The following ENGASE variants were observed in gnomAD, a reference collection of about 807,000 sequenced individuals.
ENGASE encodes the protein endo-beta-N-acetylglucosaminidase.
In ENGASE, 69 loss-of-function variants were observed where a neutral mutation model predicts 78.5. The observed-to-expected ratio is 0.88, with a 90% confidence interval of 0.72 to 1.07. ENGASE has a LOEUF of 1.07. ENGASE is among the 50% of genes least tolerant of loss of function. The pLI is 0.00. For missense variants in ENGASE, 943 were observed against 988.4 expected, an observed-to-expected ratio of 0.95 and a Z score of 0.62; for synonymous variants, 408 against 408.9, an observed-to-expected ratio of 1.00 and a Z score of 0.03.
In ENGASE at chr17:79,079,614, A is replaced by C. The variant is rs1330252412; in HGVS notation, c.542A>C (p.His181Pro). The C allele has an allele frequency of 6.2e-7, 1 of 1,613,768 alleles. No homozygotes were observed. The highest frequency in any genetic ancestry group is 1.1e-5 in the South Asian group (1 of 91,042). The change falls in exon 4 of 14, where the codon CAC becomes CCC. Residue 181 changes from histidine (H) to proline (P), a missense_variant. Physicochemically the swap from His to Pro is moderately conservative, Grantham distance 77 (BLOSUM62 -2). Transcript: ENST00000579016. ...IPPVGWTNTAHRHGVCVLGTF... is the reference protein window; with the variant it reads ...IPPVGWTNTAPRHGVCVLGTF... ...CCAGTGGGCTGGACCAACACTGCCC[A>C]CAGGCATGGGGTCTGCGTGCTGGGT...
chr17:79,080,997 G>T lies in ENGASE; in HGVS notation c.796G>T (p.Gly266Cys), dbSNP rs1773989801. Residue 266 changes from glycine to cysteine, a missense_variant, in exon 6 of 14, where the codon GGC becomes TGC. Coordinates refer to ENST00000579016, the MANE Select transcript of ENGASE (RefSeq NM_001042573.3). ...ACAGCTGCACCGGCAGGTCCCAGGG[G>T]GCCTGGTGCTCTGGTATGACAGCGT... The part of the protein sequence containing the change: ...TTQLHRQVPG[G>C]LVLWYDSVVQ... The T allele has an allele frequency of 1.2e-6, 2 of 1,613,078 alleles. No individual in the cohort carries two copies. Among genetic ancestry groups the T allele is most frequent in the Non-Finnish European group, 1.7e-6 (2 of 1,179,984 alleles).
At chr17:79,075,181 G>T (rs2072938119) in intron 1 of ENGASE, 91 bp downstream of exon 1, 1 of 1,172,672 alleles carries the variant, frequency 8.5e-7, no homozygotes, top group Admixed American at 4.5e-5. Flanking sequence ...GGCGCGCCGA[G>T]GGGCGGGGGG....
Position 79,081,970 on chromosome 17 carries a change from G to T in ENGASE, c.945G>T (p.Leu315=), listed in dbSNP as rs1259603596. 2 of 1,614,216 alleles carry T rather than the reference G, an allele frequency of 1.2e-6. No individual in the cohort carries two copies. Among genetic ancestry groups the T allele is most frequent in the Non-Finnish European group, 1.7e-6 (2 of 1,180,036 alleles). The change falls in exon 7 of 14, where the codon CTG becomes CTT. Residue 315 remains leucine, a synonymous_variant. Transcript: ENST00000579016. Reference sequence around the variant, plus strand: ...GGGAGGAGCACTTGGAGCGGATGCTGGGGCAGGCTGGGGAGCGCCGGGCTG... The same window carrying T: ...GGGAGGAGCACTTGGAGCGGATGCTTGGGCAGGCTGGGGAGCGCCGGGCTG... ...NWREEHLERM[L]GQAGERRADV...
chr17:79,081,842 G>C (rs1236148037), intron 6 of ENGASE, 56 bp from the exon 7 acceptor site: 4 of 1,560,046 alleles, frequency 2.6e-6, no homozygotes, highest in Admixed American at 1.8e-5. Context: ...GGGTTGGTGG[G>C]GGTGGCCCCA....
chr17:79,086,634 TGAAAG>T lies in ENGASE; in HGVS notation c.*288_*292del, dbSNP rs2073321417. ...ACGGTACCTGGTTCCCAGGTGAAAA[TGAAAG>T]GAGGGGAGAAGTTGAGAACAGAACA... On this transcript the variant is annotated 3_prime_UTR_variant, in exon 14 of 14. Coordinates refer to ENST00000579016, the MANE Select transcript of ENGASE (RefSeq NM_001042573.3). 3 of 530,208 alleles carry T rather than the reference TGAAAG, an allele frequency of 5.7e-6. No individual in the cohort carries two copies. Among genetic ancestry groups the T allele is most frequent in the Non-Finnish European group, 1.0e-5 (3 of 294,418 alleles). The allele number at this position is 530,208 out of a possible 1,614,324, so 32.8% of individuals were successfully genotyped here.
rs3744186 is a variant in ENGASE, at chr17:79,080,358, G to A, written c.717G>A (p.Ser239=). Reference sequence around the variant, plus strand: ...GCTGGCTGATCAACATCGAGAACTCGCTGAGTGTGAGTGCCCAGCCCTCAC... The same window carrying A: ...GCTGGCTGATCAACATCGAGAACTCACTGAGTGTGAGTGCCCAGCCCTCAC... ...FDGWLINIEN[S]LSLAAVGNMP... The change falls in exon 5 of 14, where the codon TCG becomes TCA. Residue 239 remains serine, a synonymous_variant. Coordinates refer to ENST00000579016, the MANE Select transcript of ENGASE (RefSeq NM_001042573.3). The A allele has an allele frequency of 1.6e-5, 25 of 1,612,574 alleles. No homozygotes were observed. The highest frequency in any genetic ancestry group is 4.0e-5 in the African/African-American group (3 of 74,794).
At chr17:79,082,545 C>A (rs1383700796) in intron 7 of ENGASE, 1 of 1,218,230 alleles carries the variant, frequency 8.2e-7, no homozygotes, top group South Asian at 1.5e-5. Flanking sequence ...GAGGAAGGAG[C>A]GGGGCCAGGC....
chr17:79,086,902 T>C lies in ENGASE; in HGVS notation c.*553T>C. 2 of 457,362 alleles carry C rather than the reference T, an allele frequency of 4.4e-6. No homozygotes were observed. Among genetic ancestry groups the C allele is most frequent in the South Asian group, 1.5e-5 (1 of 64,662 alleles). The allele number at this position is 457,362 out of a possible 1,614,324, so 28.3% of individuals were successfully genotyped here. A position where few individuals can be genotyped will look rare whatever the true frequency, so the allele number is the denominator to read the frequency against. On this transcript the variant is annotated 3_prime_UTR_variant, in exon 14 of 14. Coordinates refer to ENST00000579016, the MANE Select transcript of ENGASE (RefSeq NM_001042573.3). ...CCGTCCTCCCAGTGTGGAAGGCCCTTTTCCCTGAGGAGTGGGCATTCTGGG... is the reference window on the plus strand; with the variant it reads ...CCGTCCTCCCAGTGTGGAAGGCCCTCTTCCCTGAGGAGTGGGCATTCTGGG...
Position 79,077,657 on chromosome 17 carries a change from G to T in ENGASE, c.215-6G>T. 2 of 1,613,972 alleles carry T rather than the reference G, an allele frequency of 1.2e-6. No homozygotes were observed. Among genetic ancestry groups the T allele is most frequent in the South Asian group, 1.1e-5 (1 of 91,018 alleles). ...TAATTGCTCAATGTTTCTGTCCTCG[G>T]ACCAGTTAGATATTATGACAAGGAC... On this transcript the variant is annotated splice_region_variant and splice_polypyrimidine_tract_variant and intron_variant, in intron 2 of 13. Coordinates refer to ENST00000579016, the MANE Select transcript of ENGASE (RefSeq NM_001042573.3).
intron 10 of ENGASE, chr17:79,084,240 T>TCCTCCCCCCCCCCCCCCCAACCCCC: frequency 5.7e-6 from 1 of 176,126 alleles, no homozygotes. Flanking sequence ...TAGCCCCCCA[T>TCCTCCCCCCCCCCCCCCCAACCCCC]CCTCCCCCAG....
Position 79,074,917 on chromosome 17 carries a change from T to G in ENGASE, c.-28T>G. 8.0e-7 allele frequency: 1 copy of G among 1,257,382 alleles called. No individual in the cohort carries two copies. Among genetic ancestry groups the G allele is most frequent in the Non-Finnish European group, 1.0e-6 (1 of 1,000,412 alleles). 77.9% of individuals were successfully genotyped at this position (1,257,382 alleles called of 1,614,324 possible). ...CGCGGGGGCGGGCCCGGGCCTGCGA[T>G]TGCCTCTCGGCGTGCGCGGACAGTG... is the stretch of plus-strand genomic sequence containing the variant. On this transcript the variant is annotated 5_prime_UTR_variant, in exon 1 of 14. Coordinates refer to ENST00000579016, the MANE Select transcript of ENGASE (RefSeq NM_001042573.3).
At chr17:79,082,910 C>T (rs778388727) in intron 7 of ENGASE, 110 bp from the exon 8 acceptor site, 29 of 1,571,936 alleles carry the variant, frequency 1.8e-5, no homozygotes, top group Non-Finnish European at 2.3e-5. Context: ...GGACAGCTTC[C>T]CCCTCCCGTT....
intron 11 of ENGASE, 96 bp downstream of exon 11, chr17:79,084,782 G>GT: frequency 7.3e-7 from 1 of 1,365,628 alleles, no homozygotes; most frequent in Non-Finnish European, 1.0e-6. Context: ...AGGAGCTGGT[G>GT]TGGACAGTGG....
chr17:79,076,367 C>A (rs1202579878), intron 1 of ENGASE, among the ~76,000 whole-genome samples: 1 of 152,040 alleles, frequency 6.6e-6, no homozygotes, highest in African/African-American at 2.4e-5. Context: ...GAGTTTGAGA[C>A]CAGCCTGGCC....
Position 79,074,994 on chromosome 17 carries a change from G to T in ENGASE, c.50G>T (p.Arg17Leu). 1 of 1,226,134 alleles carries T rather than the reference G, an allele frequency of 8.2e-7. No homozygotes were observed. The highest frequency in any genetic ancestry group is 1.0e-6 in the Non-Finnish European group (1 of 982,952). The allele number at this position is 1,226,134 out of a possible 1,614,324, so 76.0% of individuals were successfully genotyped here. A position where few individuals can be genotyped will look rare whatever the true frequency, so the allele number is the denominator to read the frequency against. Residue 17 changes from arginine to leucine, a missense_variant, in exon 1 of 14, where the codon CGG becomes CTG. Physicochemically the swap from Arg to Leu is moderately radical, Grantham distance 102. Transcript: ENST00000579016. ...ACCCGGTCGGCTACACGGCGGCGGC[G>T]GCGGCAGCTGCAGGGGCTGGCGGCC... Reference protein sequence around the residue: ...TVTRSATRRRRRQLQGLAAPE... With the variant: ...TVTRSATRRRLRQLQGLAAPE...
chr17:79,075,649 G>T, intron 1 of ENGASE: 1 of 979,180 alleles, frequency 1.0e-6, no homozygotes, highest in Non-Finnish European at 1.2e-6. Context: ...TCCTTTGGGG[G>T]GCACTTGCCC....
intron 11 of ENGASE, among the ~76,000 whole-genome samples, 189 bp from the exon 12 acceptor site, chr17:79,085,045 G>A (rs1285311575): frequency 1.3e-5 from 2 of 152,076 alleles, no homozygotes; most frequent in African/African-American, 2.4e-5. Flanking sequence ...GTGAGGGCGC[G>A]GCTGACCCCA....
chr17:79,082,089 C>T (rs2073158006), intron 7 of ENGASE, 26 bp downstream of exon 7: 4 of 1,613,968 alleles, frequency 2.5e-6, no homozygotes, highest in African/African-American at 1.3e-5. Context: ...CGTCCAAGGG[C>T]CAGCGGCCCA....
In ENGASE at chr17:79,083,267, A is replaced by G; in HGVS notation, c.1142+144A>G. Reference sequence around the variant, plus strand: ...GAGGATGACAGGGGAGGAAGCCAGCACCCTGGCTGCTTCCGGGCAGGGACC... The same window carrying G: ...GAGGATGACAGGGGAGGAAGCCAGCGCCCTGGCTGCTTCCGGGCAGGGACC... On this transcript the variant is annotated intron_variant, in intron 8 of 13. Transcript: ENST00000579016. This position sits in a 1 kb window ranked among gnomAD's most constrained non-coding sequence, Gnocchi z 4.9. 1 of 747,138 alleles carries G rather than the reference A, an allele frequency of 1.3e-6. No individual in the cohort carries two copies. Among genetic ancestry groups the G allele is most frequent in the South Asian group, 1.8e-5 (1 of 56,636 alleles). 46.3% of individuals were successfully genotyped at this position (747,138 alleles called of 1,614,324 possible).
Sources: allele counts gnomAD v4.1 joint callset (sites outside exome capture counted in the v4.1 genomes callset), GRCh38; gene constraint gnomAD v4.1.1; non-coding constraint Gnocchi (gnomAD v3.1); transcripts MANE v1.5; gene names NCBI Gene and HGNC (gene_info 2026-07-23, HGNC 2026-07-21).